VEPH1: variants seen among roughly 807,000 people sequenced by gnomAD.
VEPH1 encodes ventricular zone-expressed PH domain-containing protein homolog 1.
Under a neutral mutation model 85.2 loss-of-function variants are expected in VEPH1, and 80 were observed. The ratio of observed to expected loss-of-function variants is 0.94; its 90% confidence interval spans 0.78 to 1.13. The LOEUF is 1.13. Among genes scored for constraint, VEPH1 ranks in the 50% most tolerant of loss-of-function variants. VEPH1 has a pLI of 0.00. For synonymous variants in VEPH1, 297 were observed against 348.0 expected (o/e 0.85, Z 1.63); for missense variants, 955 against 980.5 (o/e 0.97, Z 0.35).
intron 1 of VEPH1, among the ~76,000 whole-genome samples, chr3:157,496,035 T>G (rs1320177306): frequency 6.6e-6 from 1 of 152,188 alleles, no homozygotes; most frequent in Non-Finnish European, 1.5e-5. Context: ...AAAGGTGACC[T>G]CAGTACTTAC....
chr3:157,381,018 C>T, intron 7 of VEPH1, 138 bp downstream of exon 7: 1 of 815,272 alleles, frequency 1.2e-6, no homozygotes, highest in Non-Finnish European at 1.9e-6. Flanking sequence ...CTGGCAAGTG[C>T]CATAATTTAT....
At chr3:157,351,050 G>T (rs977350907) in intron 9 of VEPH1, among the ~76,000 whole-genome samples, 3 of 152,154 alleles carry the variant, frequency 2.0e-5, no homozygotes, top group African/African-American at 7.2e-5. Context: ...TTATTATATT[G>T]AAGAGACATT....
chr3:157,399,212 G>A (rs1730642335), intron 6 of VEPH1, among the ~76,000 whole-genome samples: 1 of 152,082 alleles, frequency 6.6e-6, no homozygotes, highest in South Asian at 2.1e-4. Context: ...GATAATGGTT[G>A]GGAAGTTCTA....
intron 7 of VEPH1, among the ~76,000 whole-genome samples, chr3:157,374,104 T>C (rs931595019): frequency 6.6e-6 from 1 of 152,170 alleles, no homozygotes; most frequent in Admixed American, 6.5e-5. Flanking sequence ...GGAACATAAA[T>C]GGTACCACAT....
chr3:157,461,953 T>C (rs987120809), intron 3 of VEPH1, among the ~76,000 whole-genome samples: 4 of 151,540 alleles, frequency 2.6e-5, no homozygotes, highest in Non-Finnish European at 5.9e-5. Context: ...TCAAGAGATA[T>C]CATTTAAAAA....
chr3:157,483,769 G>A (rs1738360207), intron 2 of VEPH1, among the ~76,000 whole-genome samples: 1 of 152,078 alleles, frequency 6.6e-6, no homozygotes, highest in East Asian at 1.9e-4. Flanking sequence ...ATAGGAGGGC[G>A]ATGATTTTGT....
chr3:157,392,872 TC>T (rs780560059), intron 6 of VEPH1, among the ~76,000 whole-genome samples: 2 of 152,172 alleles, frequency 1.3e-5, no homozygotes, highest in Non-Finnish European at 1.5e-5. Context: ...TCTCACCCTA[TC>T]CCCTTCTTTC....
intron 5 of VEPH1, among the ~76,000 whole-genome samples, chr3:157,417,390 T>G (rs540969654): frequency 6.6e-6 from 1 of 152,272 alleles, no homozygotes; most frequent in South Asian, 2.1e-4. Context: ...CTGTAAACCA[T>G]GGACAGCTGA....
chr3:157,492,046 A>G (rs1026021176), intron 2 of VEPH1, among the ~76,000 whole-genome samples: 3 of 152,162 alleles, frequency 2.0e-5, no homozygotes, highest in African/African-American at 7.2e-5. Flanking sequence ...CTAACAATGC[A>G]GAAACAAGAT....
At chr3:157,446,214 G>T (rs1449754202) in intron 4 of VEPH1, among the ~76,000 whole-genome samples, 121 of 151,936 alleles carry the variant, frequency 8.0e-4, no homozygotes, top group African/African-American at 2.8e-3. Flanking sequence ...TATTATTTGT[G>T]TGTGTAGAGT....
intron 6 of VEPH1, among the ~76,000 whole-genome samples, chr3:157,397,970 A>G (rs1225645412): frequency 6.6e-6 from 1 of 152,200 alleles, no homozygotes; most frequent in East Asian, 1.9e-4. Flanking sequence ...GGTTGGTGCC[A>G]CATATCATGC....
At chr3:157,339,095 C>T (rs758690378) in intron 9 of VEPH1, among the ~76,000 whole-genome samples, 3 of 152,190 alleles carry the variant, frequency 2.0e-5, no homozygotes, top group Non-Finnish European at 4.4e-5. Context: ...ACCCTCTGCA[C>T]ACTCTGAGTA....
chr3:157,393,680 A>T (rs952652979), intron 6 of VEPH1, among the ~76,000 whole-genome samples: 1 of 152,192 alleles, frequency 6.6e-6, no homozygotes, highest in Admixed American at 6.5e-5. Context: ...TGTAACAGGA[A>T]ATTATCAATA....
At chr3:157,267,357 AAAGTGCTG>A (rs1208651661) in intron 12 of VEPH1, among the ~76,000 whole-genome samples, 1 of 148,836 alleles carries the variant, frequency 6.7e-6, no homozygotes, top group Non-Finnish European at 1.5e-5. Flanking sequence ...CTGGCGTCCC[AAAGTGCTG>A]GGATTACAGG....
At chr3:157,323,172 A>T (rs1354267335) in intron 9 of VEPH1, among the ~76,000 whole-genome samples, 1 of 152,246 alleles carries the variant, frequency 6.6e-6, no homozygotes, top group Admixed American at 6.5e-5. Flanking sequence ...AGAAGTTTTG[A>T]ATAGAACAGC....
intron 11 of VEPH1, among the ~76,000 whole-genome samples, chr3:157,304,038 T>TATATACAC: frequency 1.0e-5 from 1 of 96,914 alleles, no homozygotes; most frequent in African/African-American, 3.1e-5. Context: ...TATATATATA[T>TATATACAC]ACACACATAC....
chr3:157,295,644 T>G (rs1043228935), intron 11 of VEPH1, among the ~76,000 whole-genome samples: 4 of 150,034 alleles, frequency 2.7e-5, no homozygotes, highest in African/African-American at 9.8e-5. Context: ...CACCCCTCAG[T>G]AGAGAACTGG....
At chr3:157,305,371 A>G (rs965362798) in intron 11 of VEPH1, among the ~76,000 whole-genome samples, 7 of 151,906 alleles carry the variant, frequency 4.6e-5, no homozygotes, top group Non-Finnish European at 7.4e-5. Flanking sequence ...CGGCCTCCCA[A>G]AGTGCTGGGA....
At chr3:157,268,109 G>A (rs1416322006) in intron 12 of VEPH1, among the ~76,000 whole-genome samples, 1 of 152,224 alleles carries the variant, frequency 6.6e-6, no homozygotes, top group Non-Finnish European at 1.5e-5. Flanking sequence ...ATTGTCTGAT[G>A]TGGAGCATTC....
Sources: gnomAD v4.1 joint callset for allele counts (sites outside exome capture counted in the v4.1 genomes callset) on GRCh38, gnomAD v4.1.1 for gene constraint, MANE v1.5 for transcripts, NCBI Gene and HGNC (gene_info 2026-07-23, HGNC 2026-07-21) for gene names.